TMEM178B: variants seen among roughly 807,000 people sequenced by gnomAD.
TMEM178B encodes transmembrane protein 178B.
Under a neutral mutation model 31.0 loss-of-function variants are expected in TMEM178B, and 5 were observed. That is an observed-to-expected ratio of 0.16 (90% CI 0.08 to 0.34). The LOEUF is 0.34. TMEM178B is among the 10% of genes least tolerant of loss of function. TMEM178B has a pLI of 1.00. For missense variants in TMEM178B, 275 were observed against 400.3 expected (o/e 0.69, Z 2.67); for synonymous variants, 164 against 164.0 (o/e 1.00, Z 0.00).
chr7:141,165,940 C>A (rs560316515), intron 1 of TMEM178B, among the ~76,000 whole-genome samples: 17 of 152,298 alleles, frequency 1.1e-4, no homozygotes, highest in African/African-American at 4.1e-4. Flanking sequence ...GAGGGACTGT[C>A]CTTGTTAGCC....
intron 1 of TMEM178B, among the ~76,000 whole-genome samples, chr7:141,174,436 C>T (rs2129183131): frequency 6.6e-6 from 1 of 152,196 alleles, no homozygotes; most frequent in South Asian, 2.1e-4. Context: ...GCGCATGTGT[C>T]TTTATAGTAG....
At chr7:141,382,775 C>T (rs918277753) in intron 2 of TMEM178B, among the ~76,000 whole-genome samples, 2 of 152,150 alleles carry the variant, frequency 1.3e-5, no homozygotes, top group Non-Finnish European at 1.5e-5. Context: ...TTGGGTATGT[C>T]ACTAGCTAAA....
rs1293004355 is a variant in TMEM178B at position 141,318,952 on chromosome 7, T to C, written c.496+106248T>C. The stretch of plus-strand genomic sequence containing the variant: ...ATTTCTGCCAAAAAAAAATGAACAA[T>C]TTTTACCAAGTTTCAAGTGATTGAA... On this transcript the variant is annotated intron_variant, in intron 2 of 3. Transcript: ENST00000565468. The surrounding 1 kb of genome is among the most constrained non-coding windows in gnomAD (Gnocchi z 4.1). Among the ~76,000 whole-genome samples the C allele has an allele frequency of 6.6e-6, 1 of 152,012 alleles. No homozygotes were observed. Among genetic ancestry groups the C allele is most frequent in the Non-Finnish European group, 1.5e-5 (1 of 67,986 alleles).
At chr7:141,269,305 G>A (rs1222637122) in intron 2 of TMEM178B, among the ~76,000 whole-genome samples, 2 of 151,974 alleles carry the variant, frequency 1.3e-5, no homozygotes, top group Non-Finnish European at 2.9e-5. Context: ...TGGCCAGGCT[G>A]GTTTTGAACT....
chr7:141,270,312 G>A (rs1441024011), intron 2 of TMEM178B, among the ~76,000 whole-genome samples: 3 of 152,112 alleles, frequency 2.0e-5, no homozygotes, highest in African/African-American at 7.2e-5. Context: ...CGGAAGCTCA[G>A]GTGAGCAGTC....
the TMEM178B span, among the ~76,000 whole-genome samples, chr7:141,510,764 G>C: frequency 6.8e-6 from 1 of 148,098 alleles, no homozygotes; most frequent in African/African-American, 2.5e-5. Flanking sequence ...GGCAACTCAG[G>C]CAACCCAAAA....
intron 1 of TMEM178B, among the ~76,000 whole-genome samples, chr7:141,133,379 G>A (rs2129178025): frequency 6.6e-6 from 1 of 151,962 alleles, no homozygotes; most frequent in African/African-American, 2.4e-5. Flanking sequence ...ATTCAACAAA[G>A]ATATACTTAC....
rs1223950699 is a variant in TMEM178B, at chr7:141,473,128, C to T, written c.*2342C>T. On this transcript the variant is annotated 3_prime_UTR_variant, in exon 4 of 4. Transcript: ENST00000565468. ...ATTCTATGAGAAGGGAAATAATTTT[C>T]AGGAAAACCCAGTTTTTCAATTGGG... 1 of 152,192 alleles carries T rather than the reference C, an allele frequency of 6.6e-6. No individual in the cohort carries two copies. Among genetic ancestry groups the T allele is most frequent in the Non-Finnish European group, 1.5e-5 (1 of 68,044 alleles). The allele number at this position is 152,192 out of a possible 1,614,324, so 9.4% of individuals were successfully genotyped here.
the TMEM178B span, among the ~76,000 whole-genome samples, chr7:141,506,682 G>A: frequency 6.6e-5 from 10 of 152,042 alleles, no homozygotes; most frequent in Admixed American, 2.6e-4. Context: ...CAAATCTTAT[G>A]TCCTCACATT....
chr7:141,214,545 G>T (rs1361252356), intron 2 of TMEM178B, among the ~76,000 whole-genome samples: 4 of 152,238 alleles, frequency 2.6e-5, no homozygotes, highest in Non-Finnish European at 4.4e-5. Context: ...AATTATTTTA[G>T]TGTAAATTGC....
chr7:141,242,766 C>T (rs1435695501), intron 2 of TMEM178B, among the ~76,000 whole-genome samples: 1 of 152,024 alleles, frequency 6.6e-6, no homozygotes, highest in Non-Finnish European at 1.5e-5. Flanking sequence ...TGGTCTCAAA[C>T]TCCTAACCGC....
intron 1 of TMEM178B, among the ~76,000 whole-genome samples, chr7:141,198,768 G>A (rs914151588): frequency 6.6e-6 from 1 of 152,134 alleles, no homozygotes. Flanking sequence ...TTCTCGCCTC[G>A]TTTGTCTGTC....
chr7:141,169,219 C>G (rs1300202899), intron 1 of TMEM178B, among the ~76,000 whole-genome samples: 1 of 152,164 alleles, frequency 6.6e-6, no homozygotes, highest in African/African-American at 2.4e-5. Flanking sequence ...TCCGATAGGC[C>G]CCAGTGTGTT....
intron 2 of TMEM178B, among the ~76,000 whole-genome samples, chr7:141,330,090 T>G (rs1026206826): frequency 6.6e-6 from 1 of 152,162 alleles, no homozygotes; most frequent in African/African-American, 2.4e-5. Flanking sequence ...AGGGCTTTTT[T>G]TTTTGGTTGA....
chr7:141,473,819 A>T lies in TMEM178B; in HGVS notation c.*3033A>T, dbSNP rs1039647502. Reference sequence around the variant, plus strand: ...CCTTTCAGACGGCAAGTCCTGGCCAATGGGAGGACTTCTCAGGTGACCTTG... The same window carrying T: ...CCTTTCAGACGGCAAGTCCTGGCCATTGGGAGGACTTCTCAGGTGACCTTG... On this transcript the variant is annotated 3_prime_UTR_variant, in exon 4 of 4. Transcript: ENST00000565468. 6 of 152,244 alleles carry T rather than the reference A, an allele frequency of 3.9e-5. No homozygotes were observed. The highest frequency in any genetic ancestry group is 1.4e-4 in the African/African-American group (6 of 41,458). The allele number at this position is 152,244 out of a possible 1,614,324, so 9.4% of individuals were successfully genotyped here.
chr7:141,318,941 A>T lies in TMEM178B; in HGVS notation c.496+106237A>T, dbSNP rs1199086091. On this transcript the variant is annotated intron_variant, in intron 2 of 3. Coordinates refer to ENST00000565468, the MANE Select transcript of TMEM178B (RefSeq NM_001195278.2). The surrounding 1 kb of genome is among the most constrained non-coding windows in gnomAD (Gnocchi z 4.1). ...GAATATGAGATATTTCTGCCAAAAAAAAATGAACAATTTTTACCAAGTTTC... is the reference window on the plus strand; with the variant it reads ...GAATATGAGATATTTCTGCCAAAAATAAATGAACAATTTTTACCAAGTTTC... Among the ~76,000 whole-genome samples, 4 of 152,228 alleles carry T rather than the reference A, an allele frequency of 2.6e-5. No homozygotes were observed. The highest frequency in any genetic ancestry group is 6.5e-5 in the Admixed American group (1 of 15,268).
chr7:141,098,966 C>T (rs1563087104), intron 1 of TMEM178B, among the ~76,000 whole-genome samples: 1 of 151,996 alleles, frequency 6.6e-6, no homozygotes, highest in African/African-American at 2.4e-5. Context: ...AAAAACCAAA[C>T]CCAAAACAAA....
chr7:141,301,582 G>A lies in TMEM178B; in HGVS notation c.496+88878G>A, dbSNP rs146374120. On this transcript the variant is annotated intron_variant, in intron 2 of 3. Coordinates refer to ENST00000565468, the MANE Select transcript of TMEM178B (RefSeq NM_001195278.2). ...CCAAATGGGGACTTAAATTTAGATC[G>A]TTCCTGTTGTGCCTGGTTTTCCAAT... 2.0e-4 allele frequency among the ~76,000 whole-genome samples: 30 copies of A among 152,228 alleles called. No individual in the cohort carries two copies. In the East Asian group the frequency reaches 5.4e-3, roughly 27 times the overall value.
At chr7:141,367,189 G>C (rs988461060) in intron 2 of TMEM178B, among the ~76,000 whole-genome samples, 1 of 152,214 alleles carries the variant, frequency 6.6e-6, no homozygotes, top group East Asian at 1.9e-4. Flanking sequence ...TGTCCTTCTC[G>C]AAAGGTAGGA....
Sources: allele counts gnomAD v4.1 joint callset (sites outside exome capture counted in the v4.1 genomes callset), GRCh38; gene constraint gnomAD v4.1.1; non-coding constraint Gnocchi (gnomAD v3.1); transcripts MANE v1.5; gene names NCBI Gene and HGNC (gene_info 2026-07-23, HGNC 2026-07-21).